Variants in SYTL2 observed in about 807,000 individuals in gnomAD.
SYTL2 encodes the protein synaptotagmin like 2.
In SYTL2, 165 loss-of-function variants were observed where a neutral mutation model predicts 198.7. The ratio of observed to expected loss-of-function variants is 0.83; its 90% CI spans 0.73 to 0.94. The LOEUF is 0.94. SYTL2 is among the 40% of genes least tolerant of loss of function. The probability of loss-of-function intolerance (pLI) is 0.00; values close to 1 mark genes in which losing one functional copy is unlikely to be tolerated. For synonymous variants in SYTL2, 966 were observed against 917.7 expected, an observed-to-expected ratio of 1.05 and a Z score of -0.95; for missense variants, 2,835 against 2,582.8, an observed-to-expected ratio of 1.10 and a Z score of -2.12.
At chr11:85,843,014 A>C in the SYTL2 span, among the ~76,000 whole-genome samples, 2 of 152,098 alleles carry the variant, frequency 1.3e-5, no homozygotes, top group Non-Finnish European at 2.9e-5. Context: ...GCTGTGGCCA[A>C]TGGAATCTGT....
intron 2 of SYTL2, among the ~76,000 whole-genome samples, chr11:85,755,196 A>G (rs976914544): frequency 6.6e-6 from 1 of 152,108 alleles, no homozygotes; most frequent in Non-Finnish European, 1.5e-5. Context: ...TATCCCCACA[A>G]GTCCCTTCAG....
At chr11:85,741,167 C>CTGTG (rs1444216699) in intron 4 of SYTL2, among the ~76,000 whole-genome samples, 1 of 151,612 alleles carries the variant, frequency 6.6e-6, no homozygotes, top group Non-Finnish European at 1.5e-5. Flanking sequence ...TCCCTTTGTA[C>CTGTG]TGTGACTTCC....
At chr11:85,827,099 T>G in the SYTL2 span, among the ~76,000 whole-genome samples, 1 of 152,214 alleles carries the variant, frequency 6.6e-6, no homozygotes, top group Non-Finnish European at 1.5e-5. Context: ...GGGGACCTGG[T>G]GGCTTTCAAT....
At chr11:85,843,876 G>C in the SYTL2 span, among the ~76,000 whole-genome samples, 3 of 152,022 alleles carry the variant, frequency 2.0e-5, no homozygotes, top group Non-Finnish European at 4.4e-5. Context: ...CTCATCCAAG[G>C]TCACACAACT....
Position 85,748,339 on chromosome 11 carries a change from G to A in SYTL2, c.186C>T (p.His62=). 6.2e-7 allele frequency: 1 copy of A among 1,613,956 alleles called. No homozygotes were observed. The change falls in exon 3 of 20, where the codon CAC becomes CAT. Residue 62 remains histidine, a synonymous_variant. Coordinates refer to ENST00000359152, the MANE Select transcript of SYTL2 (RefSeq NM_206927.4). The stretch of plus-strand genomic sequence containing the variant: ...TATCTGCGCCATGGATTTTGTCCCT[G>A]TGCCTTTTTGCCTTGGCTTCATAAA... ...QWFYEAKAKR[H]RDKIHGADII... is the part of the protein sequence containing the mutation.
chr11:85,721,132 TTAAACA>T (rs1379038762), intron 8 of SYTL2, among the ~76,000 whole-genome samples, 173 bp from the exon 9 acceptor site: 2 of 152,248 alleles, frequency 1.3e-5, no homozygotes, highest in African/African-American at 4.8e-5. Context: ...TAATATGCTC[TTAAACA>T]TAATTTTCCT....
At chr11:85,711,061 G>A in intron 13 of SYTL2, 52 bp downstream of exon 13, 1 of 1,592,338 alleles carries the variant, frequency 6.3e-7, no homozygotes, top group Non-Finnish European at 8.6e-7. Flanking sequence ...GCATGTCAGA[G>A]CAAGGTTCAG....
At chr11:85,824,212 G>A in the SYTL2 span, among the ~76,000 whole-genome samples, 2 of 152,124 alleles carry the variant, frequency 1.3e-5, no homozygotes, top group African/African-American at 4.8e-5. Context: ...AGACAGAGGT[G>A]GGGAAGAAGA....
chr11:85,704,557 T>G (rs2084834346), intron 16 of SYTL2, among the ~76,000 whole-genome samples: 1 of 152,168 alleles, frequency 6.6e-6, no homozygotes, highest in South Asian at 2.1e-4. Context: ...TGAATACACT[T>G]TGGTCTCAAG....
At chr11:85,840,568 A>G in the SYTL2 span, among the ~76,000 whole-genome samples, 1 of 152,338 alleles carries the variant, frequency 6.6e-6, no homozygotes, top group Non-Finnish European at 1.5e-5. Flanking sequence ...CTCAGAAATA[A>G]GGCCACACAC....
chr11:85,827,189 G>A, the SYTL2 span, among the ~76,000 whole-genome samples: 1 of 152,194 alleles, frequency 6.6e-6, no homozygotes, highest in Non-Finnish European at 1.5e-5. Context: ...TATTAGCAAT[G>A]CTGTTGTTAC....
intron 1 of SYTL2, among the ~76,000 whole-genome samples, chr11:85,791,024 G>A (rs1002821536): frequency 1.9e-4 from 29 of 151,194 alleles, no homozygotes; most frequent in African/African-American, 5.3e-4. Flanking sequence ...AAAATTAGCC[G>A]GGCATGGTGA....
chr11:85,714,262 AACAACACT>A, intron 12 of SYTL2, 143 bp downstream of exon 12: 1 of 614,814 alleles, frequency 1.6e-6, no homozygotes, highest in East Asian at 2.8e-5. Context: ...TTCCAGGATG[AACAACACT>A]ACTTCTATTG....
intron 1 of SYTL2, among the ~76,000 whole-genome samples, chr11:85,791,274 T>C (rs1220384691): frequency 6.6e-6 from 1 of 151,674 alleles, no homozygotes; most frequent in African/African-American, 2.4e-5. Flanking sequence ...ATTTAGACTT[T>C]TAACTTAAAA....
intron 2 of SYTL2, among the ~76,000 whole-genome samples, chr11:85,750,700 A>G (rs2091458743): frequency 6.6e-6 from 1 of 152,048 alleles, no homozygotes; most frequent in Admixed American, 6.6e-5. Context: ...GAACAAATAA[A>G]CGCTCAGCAG....
chr11:85,853,375 T>C, the SYTL2 span: 1 of 441,134 alleles, frequency 2.3e-6, no homozygotes, highest in East Asian at 7.7e-5. Context: ...AACCCGGTGC[T>C]CTCTGAAACA....
At chr11:85,844,956 T>C in the SYTL2 span, among the ~76,000 whole-genome samples, 24,200 of 152,064 alleles carry the variant, frequency 0.16, 2,109 homozygotes, top group Middle Eastern at 0.2. Flanking sequence ...TATCCAACCA[T>C]GGTAATCTCT....
chr11:85,817,899 TTTC>T, the SYTL2 span, among the ~76,000 whole-genome samples: 10,167 of 133,380 alleles, frequency 0.076, 468 homozygotes, highest in African/African-American at 0.12. Context: ...CTTTGTGTCT[TTTC>T]TTTTTTTTTT....
chr11:85,711,734 C>T (rs927048761), intron 12 of SYTL2, among the ~76,000 whole-genome samples: 1 of 151,800 alleles, frequency 6.6e-6, no homozygotes, highest in Non-Finnish European at 1.5e-5. Flanking sequence ...ATGCTAGTCT[C>T]ATCTGTTTCA....
Sources: gnomAD v4.1 joint callset for allele counts (sites outside exome capture counted in the v4.1 genomes callset) on GRCh38, gnomAD v4.1.1 for gene constraint, MANE v1.5 for transcripts, NCBI Gene and HGNC (gene_info 2026-07-23, HGNC 2026-07-21) for gene names.